The following IGF1R variants were observed in gnomAD, a reference collection of about 807,000 sequenced individuals.
IGF1R encodes the protein insulin like growth factor 1 receptor, also known as insulin-like growth factor 1 receptor.
IGF1R carries 44 observed loss-of-function variants against 144.6 expected under a neutral mutation model. That is an observed-to-expected ratio of 0.30 (90% CI 0.24 to 0.39). The LOEUF (loss-of-function observed/expected upper bound fraction) is 0.39. Among genes scored for constraint, IGF1R ranks in the 10% least tolerant of loss-of-function variants. IGF1R has a pLI of 1.00. For synonymous variants in IGF1R, 795 were observed against 722.8 expected, an observed-to-expected ratio of 1.10 and a Z score of -1.60; for missense variants, 1,355 against 1,833.7, an observed-to-expected ratio of 0.74 and a Z score of 4.77.
intron 20 of IGF1R, chr15:98,952,763 T>G (rs182968145): frequency 1.3e-5 from 2 of 152,226 alleles, no homozygotes; most frequent in African/African-American, 4.8e-5. Flanking sequence ...GTTCTCAGCA[T>G]AGAGTGACAA....
chr15:98,915,750 A>AT (rs1184742117), intron 8 of IGF1R, among the ~76,000 whole-genome samples: 2 of 152,220 alleles, frequency 1.3e-5, no homozygotes, highest in African/African-American at 4.8e-5. Context: ...TTTCACAGAG[A>AT]TTACCGGAGG....
At chr15:98,893,198 G>A (rs2014015091) in intron 3 of IGF1R, among the ~76,000 whole-genome samples, 1 of 152,216 alleles carries the variant, frequency 6.6e-6, no homozygotes, top group Non-Finnish European at 1.5e-5. Context: ...CATTGAGGAA[G>A]TGTTTATAAA....
chr15:98,902,592 T>G (rs964895564), intron 5 of IGF1R, among the ~76,000 whole-genome samples: 10 of 144,924 alleles, frequency 6.9e-5, no homozygotes, highest in African/African-American at 2.0e-4. Context: ...TTATTTTTGC[T>G]TTTAGTAGAG....
intron 2 of IGF1R, among the ~76,000 whole-genome samples, chr15:98,766,328 T>C (rs1274826342): frequency 1.3e-5 from 2 of 152,242 alleles, no homozygotes; most frequent in African/African-American, 4.8e-5. Flanking sequence ...CCACCTGGTT[T>C]TGCTGAGCGC....
At chr15:98,791,826 C>A (rs1266120593) in intron 2 of IGF1R, among the ~76,000 whole-genome samples, 1 of 152,182 alleles carries the variant, frequency 6.6e-6, no homozygotes, top group Non-Finnish European at 1.5e-5. Context: ...GTTTAACGTT[C>A]CTGTTATTTC....
chr15:98,879,325 C>T (rs573885691), intron 2 of IGF1R, among the ~76,000 whole-genome samples: 4 of 152,238 alleles, frequency 2.6e-5, no homozygotes, highest in Admixed American at 2.6e-4. Flanking sequence ...CCAAATTCCG[C>T]CCCCAGCCCC....
intron 2 of IGF1R, among the ~76,000 whole-genome samples, chr15:98,765,330 T>A (rs12440429): frequency 7.3e-6 from 1 of 137,340 alleles, no homozygotes; most frequent in Non-Finnish European, 1.5e-5. Flanking sequence ...TTTTTTTTTT[T>A]TTTTTTGAGA....
chr15:98,729,058 C>T (rs991958016), intron 2 of IGF1R, among the ~76,000 whole-genome samples: 6 of 152,200 alleles, frequency 3.9e-5, no homozygotes, highest in African/African-American at 7.2e-5. Context: ...CTGATACTAT[C>T]ATAATTTTTA....
intron 1 of IGF1R, among the ~76,000 whole-genome samples, chr15:98,681,635 G>A (rs561853158): frequency 3.7e-4 from 56 of 152,148 alleles, no homozygotes; most frequent in Non-Finnish European, 7.5e-4. Context: ...CCCTGTCGGG[G>A]GCTCATGCTC....
intron 1 of IGF1R, among the ~76,000 whole-genome samples, chr15:98,667,554 C>T (rs1596159481): frequency 6.6e-6 from 1 of 152,214 alleles, no homozygotes; most frequent in East Asian, 1.9e-4. Flanking sequence ...CTGTCTGCCT[C>T]TCCAGCAGAT....
At chr15:98,775,784 C>T (rs371155047) in intron 2 of IGF1R, among the ~76,000 whole-genome samples, 61 of 152,312 alleles carry the variant, frequency 4.0e-4, no homozygotes, top group African/African-American at 1.3e-3. Flanking sequence ...CCAGGGTTTC[C>T]GATTCAGCAG....
chr15:98,698,501 G>A (rs144019371), intron 1 of IGF1R, among the ~76,000 whole-genome samples: 118 of 152,312 alleles, frequency 7.7e-4, no homozygotes, highest in African/African-American at 2.5e-3. Flanking sequence ...TGCTGTCTCC[G>A]TGAGTCTGAC....
At chr15:98,780,574 A>AAG (rs75831201) in intron 2 of IGF1R, among the ~76,000 whole-genome samples, 4 of 10,764 alleles carry the variant, frequency 3.7e-4, no homozygotes, top group Admixed American at 3.7e-3. Context: ...AAAAAAAAAA[A>AAG]AGAGAGAGAG....
chr15:98,940,331 A>T (rs536877813), intron 18 of IGF1R, among the ~76,000 whole-genome samples: 4 of 152,076 alleles, frequency 2.6e-5, no homozygotes, highest in African/African-American at 7.2e-5. Context: ...TTAGTAACAT[A>T]TTTTTTTCCT....
At chr15:98,928,082 T>G (rs532327373) in intron 13 of IGF1R, among the ~76,000 whole-genome samples, 1 of 152,312 alleles carries the variant, frequency 6.6e-6, no homozygotes, top group South Asian at 2.1e-4. Flanking sequence ...CACCCCTTTT[T>G]CATTCCAACC....
chr15:98,792,744 T>C (rs1487071185), intron 2 of IGF1R, among the ~76,000 whole-genome samples: 3 of 152,216 alleles, frequency 2.0e-5, no homozygotes, highest in African/African-American at 7.2e-5. Flanking sequence ...ACTTAGCGTT[T>C]TTCTTTTGGA....
chr15:98,889,477 C>T (rs187194372), intron 2 of IGF1R, among the ~76,000 whole-genome samples: 118 of 152,108 alleles, frequency 7.8e-4, no homozygotes, highest in Non-Finnish European at 1.1e-3. Context: ...ATTGCTTTGC[C>T]GATTGCAATA....
At position 98,935,182 on chromosome 15, in the gene IGF1R, C is replaced by T. The variant is rs1412706324; in HGVS notation, c.3186+129C>T. ...TGCCTTTGCCTTCTGGATAGTTACCCCATTACCTCACTGCTACCTTCAGAC... is the reference window on the plus strand; with the variant it reads ...TGCCTTTGCCTTCTGGATAGTTACCTCATTACCTCACTGCTACCTTCAGAC... On this transcript the variant is annotated intron_variant, in intron 16 of 20. Transcript: ENST00000650285. This position sits in a 1 kb window ranked among gnomAD's most constrained non-coding sequence, Gnocchi z 4.2. 25 of 956,838 alleles carry T rather than the reference C, an allele frequency of 2.6e-5. No homozygotes were observed. The highest frequency in any genetic ancestry group is 1.6e-5 in the African/African-American group (1 of 61,700). 59.3% of individuals were successfully genotyped at this position (956,838 alleles called of 1,614,324 possible). A position where few individuals can be genotyped will look rare whatever the true frequency, so the allele number is the denominator to read the frequency against.
intron 1 of IGF1R, chr15:98,650,798 TC>T (rs2052342935): frequency 1.3e-5 from 9 of 673,742 alleles, no homozygotes; most frequent in South Asian, 6.6e-5. Context: ...GCCCCGCACT[TC>T]CTTTGTACGT....
Sources: gnomAD v4.1 joint callset for allele counts (sites outside exome capture counted in the v4.1 genomes callset) on GRCh38, gnomAD v4.1.1 for gene constraint, Gnocchi (gnomAD v3.1) non-coding constraint, MANE v1.5 for transcripts, NCBI Gene and HGNC (gene_info 2026-07-23, HGNC 2026-07-21) for gene names.